Variants in NOMO1 observed in about 807,000 individuals in gnomAD.
NOMO1 encodes the protein nodal modulator 3.
NOMO1 carries 40 observed loss-of-function variants against 133.8 expected under a neutral mutation model. That is an observed-to-expected ratio of 0.30 (90% CI 0.23 to 0.39). The LOEUF (loss-of-function observed/expected upper bound fraction) is 0.39, where lower values mean the gene tolerates loss of function less well. NOMO1 is among the 10% of genes least tolerant of loss of function. NOMO1 has a pLI of 1.00. For synonymous variants in NOMO1, 236 were observed against 570.5 expected (o/e 0.41, Z 8.36); for missense variants, 462 against 1,419.9 (o/e 0.33, Z 10.84).
At chr16:14,892,253 A>G (rs142837530) in intron 29 of NOMO1, among the ~76,000 whole-genome samples, 2,727 of 151,922 alleles carry the variant, frequency 0.018, 113 homozygotes, top group African/African-American at 0.06. Context: ...AAAAAAAAAA[A>G]AGAAAGTGCC....
chr16:14,871,438 G>A (rs1387645984), intron 16 of NOMO1, among the ~76,000 whole-genome samples, 183 bp from the exon 17 acceptor site: 1 of 152,052 alleles, frequency 6.6e-6, no homozygotes, highest in African/African-American at 2.4e-5. Flanking sequence ...TCGGGTTATT[G>A]GTAAGACGCC....
intron 27 of NOMO1, among the ~76,000 whole-genome samples, chr16:14,884,979 G>A (rs947545556): frequency 1.3e-5 from 2 of 152,010 alleles, no homozygotes; most frequent in African/African-American, 4.8e-5. Flanking sequence ...CTTCTGGGGA[G>A]GCCTCAGGAG....
intron 12 of NOMO1, 24 bp from the exon 13 acceptor site, chr16:14,864,561 A>G (rs1410644189): frequency 1.2e-6 from 2 of 1,613,110 alleles, no homozygotes; most frequent in South Asian, 1.1e-5. Context: ...TGCAGCCTCT[A>G]ACGTTCCATC....
At chr16:14,869,715 A>G (rs1056967315) in intron 16 of NOMO1, among the ~76,000 whole-genome samples, 1 of 151,652 alleles carries the variant, frequency 6.6e-6, no homozygotes, top group African/African-American at 2.4e-5. Flanking sequence ...TTCTTGTACA[A>G]GTCTTTGTGT....
At chr16:14,842,672 G>A (rs1353700030) in intron 3 of NOMO1, among the ~76,000 whole-genome samples, 2 of 152,012 alleles carry the variant, frequency 1.3e-5, no homozygotes, top group East Asian at 3.9e-4. Context: ...CCCATCCTGG[G>A]TGCTCCTTAG....
chr16:14,859,628 A>G (rs1963892951), intron 11 of NOMO1, among the ~76,000 whole-genome samples: 1 of 152,030 alleles, frequency 6.6e-6, no homozygotes, highest in African/African-American at 2.4e-5. Context: ...CAGCCTGGGC[A>G]ACTTGGCAAA....
chr16:14,860,707 A>G (rs370449849), intron 11 of NOMO1, among the ~76,000 whole-genome samples: 1 of 150,982 alleles, frequency 6.6e-6, no homozygotes, highest in African/African-American at 2.4e-5. Flanking sequence ...GAGGAAATAT[A>G]TTTATTTTCT....
At chr16:14,864,368 C>G (rs1024798589) in intron 12 of NOMO1, among the ~76,000 whole-genome samples, 1 of 151,934 alleles carries the variant, frequency 6.6e-6, no homozygotes, top group Admixed American at 6.6e-5. Flanking sequence ...TCATACACAT[C>G]GGTCTGTTGA....
intron 22 of NOMO1, among the ~76,000 whole-genome samples, chr16:14,878,127 C>T (rs1390546424): frequency 2.0e-5 from 3 of 151,062 alleles, no homozygotes; most frequent in Non-Finnish European, 4.4e-5. Context: ...TATTTCACCT[C>T]CTCCACCCAC....
At chr16:14,879,823 T>C (rs1317003378) in intron 23 of NOMO1, among the ~76,000 whole-genome samples, 192 bp from the exon 24 acceptor site, 1 of 151,044 alleles carries the variant, frequency 6.6e-6, no homozygotes, top group Non-Finnish European at 1.5e-5. Context: ...TACCATCAGC[T>C]GCCGTTGTTA....
chr16:14,867,909 T>TC (rs1964027732), intron 15 of NOMO1, among the ~76,000 whole-genome samples: 2 of 131,330 alleles, frequency 1.5e-5, no homozygotes, highest in Admixed American at 1.5e-4. Flanking sequence ...TTTTTTTTTT[T>TC]TGACACTTCC....
At chr16:14,861,613 A>T (rs1963923355) in intron 11 of NOMO1, among the ~76,000 whole-genome samples, 2 of 144,078 alleles carry the variant, frequency 1.4e-5, no homozygotes, top group African/African-American at 5.1e-5. Context: ...CAGTAGGGGA[A>T]TGTGAGAACC....
chr16:14,883,393 G>C (rs1463735341), intron 26 of NOMO1, among the ~76,000 whole-genome samples: 1 of 150,148 alleles, frequency 6.7e-6, no homozygotes, highest in Non-Finnish European at 1.5e-5. Context: ...ATGGAGTGCA[G>C]TGCCGTGATC....
chr16:14,856,294 CAG>C (rs1357884067), intron 9 of NOMO1, among the ~76,000 whole-genome samples: 1 of 152,008 alleles, frequency 6.6e-6, no homozygotes, highest in Non-Finnish European at 1.5e-5. Context: ...GGCTGGAACT[CAG>C]TAACTGCAGA....
In NOMO1 at chr16:14,839,414, A is replaced by T. The variant is rs531927318; in HGVS notation, c.255+918A>T. ...TTGCTTTCTATTTATAGTTATTCAG[A>T]TAGCCACGGGTACACATGCATATGT... On this transcript the variant is annotated intron_variant, in intron 2 of 30. Transcript: ENST00000287667. 2.6e-5 allele frequency among the ~76,000 whole-genome samples: 4 copies of T among 152,168 alleles called. No individual in the cohort carries two copies. In the East Asian group the frequency reaches 7.7e-4, roughly 29 times the overall value.
rs2445646 is a variant in NOMO1, at chr16:14,864,581, A to G, written c.1396-4A>G. On this transcript the variant is annotated splice_region_variant and splice_polypyrimidine_tract_variant and intron_variant, in intron 12 of 30. Coordinates refer to ENST00000287667, the MANE Select transcript of NOMO1 (RefSeq NM_014287.4). ...CCTCTAACGTTCCATCCACGTTTCCACAGGTGATGGTTCCTGAGGCAGAAA... is the reference window on the plus strand; with the variant it reads ...CCTCTAACGTTCCATCCACGTTTCCGCAGGTGATGGTTCCTGAGGCAGAAA... 18,719 of 1,484,452 alleles carry G rather than the reference A, an allele frequency of 0.013. 708 individuals carry two copies. Among genetic ancestry groups the G allele is most frequent in the African/African-American group, 0.12 (7,917 of 67,172 alleles). The allele number at this position is 1,484,452 out of a possible 1,614,324, so 92.0% of individuals were successfully genotyped here.
At position 14,868,662 on chromosome 16, in the gene NOMO1, T is replaced by C. The variant is rs374318727; in HGVS notation, c.1894+27T>C. 1,183 of 1,477,746 alleles carry C rather than the reference T, an allele frequency of 8.0e-4. 12 individuals carry two copies. The African/African-American group carries it at 0.015, about 19-fold the overall frequency. The allele number at this position is 1,477,746 out of a possible 1,614,324, so 91.5% of individuals were successfully genotyped here. On this transcript the variant is annotated intron_variant, in intron 16 of 30. Coordinates refer to ENST00000287667, the MANE Select transcript of NOMO1 (RefSeq NM_014287.4). ...TAAGTTTGGAAGGATTGATGTGCCATGAATTAGAAAAATGGAAAGGCACCA... is the reference window on the plus strand; with the variant it reads ...TAAGTTTGGAAGGATTGATGTGCCACGAATTAGAAAAATGGAAAGGCACCA...
chr16:14,846,768 G>A (rs1286689980), intron 5 of NOMO1, 85 bp downstream of exon 5: 2 of 1,555,740 alleles, frequency 1.3e-6, no homozygotes, highest in Admixed American at 1.8e-5. Context: ...TTTGGATTCA[G>A]GGAGTTCTGG....
At position 14,879,959 on chromosome 16, in the gene NOMO1, A is replaced by T. The variant is rs1597112059; in HGVS notation, c.2758-56A>T. ...TGGTCCATCGTGACATTCGCCCCTC[A>T]CTTTTAAGCCATGCCTAGATGTGGC... On this transcript the variant is annotated intron_variant, in intron 23 of 30. Transcript: ENST00000287667. 6 of 1,609,522 alleles carry T rather than the reference A, an allele frequency of 3.7e-6. No individual in the cohort carries two copies. The East Asian group carries it at 1.3e-4, about 36-fold the overall frequency.
Sources: allele counts gnomAD v4.1 joint callset (sites outside exome capture counted in the v4.1 genomes callset), GRCh38; gene constraint gnomAD v4.1.1; transcripts MANE v1.5; gene names NCBI Gene and HGNC (gene_info 2026-07-23, HGNC 2026-07-21).